INTS1: variants seen among roughly 807,000 people sequenced by gnomAD.
The protein encoded by INTS1 is integrator complex subunit 1.
In INTS1, 137 loss-of-function variants were observed where a neutral mutation model predicts 241.6. The observed-to-expected ratio is 0.57, with a 90% confidence interval of 0.49 to 0.65. The LOEUF (loss-of-function observed/expected upper bound fraction) is 0.65, where lower values mean the gene tolerates loss of function less well. Ranked by LOEUF, INTS1 falls within the 30% of genes least tolerant of loss-of-function variation. The pLI is 0.00. For synonymous variants in INTS1, 1,692 were observed against 1,337.8 expected, an observed-to-expected ratio of 1.26 and a Z score of -5.78; for missense variants, 3,073 against 3,032.2, an observed-to-expected ratio of 1.01 and a Z score of -0.32.
chr7:1,499,840 C>A, intron 5 of INTS1, 44 bp downstream of exon 5: 2 of 1,590,046 alleles, frequency 1.3e-6, no homozygotes. Context: ...TGCCCCACCC[C>A]GTGGCGCTCT....
intron 30 of INTS1, 52 bp from the exon 31 acceptor site, chr7:1,479,736 G>A: frequency 7.0e-7 from 1 of 1,433,146 alleles, no homozygotes; most frequent in Non-Finnish European, 9.1e-7. Context: ...AGGAGGAGGA[G>A]CGCAGCGGAG....
intron 3 of INTS1, among the ~76,000 whole-genome samples, chr7:1,501,620 A>T (rs1562524882): frequency 2.0e-5 from 3 of 152,308 alleles, no homozygotes; most frequent in African/African-American, 7.2e-5. Context: ...AGATAAATAA[A>T]GCACCGAGCC....
At position 1,485,115 on chromosome 7, in the gene INTS1, G is replaced by A. The variant is rs1226474206; in HGVS notation, c.3244C>T (p.His1082Tyr). The A allele has an allele frequency of 2.5e-6, 4 of 1,599,944 alleles. No homozygotes were observed. In the African/African-American group the frequency reaches 4.0e-5, roughly 16 times the overall value. ...TGCCTCACCAGGGCCAGGTCGCTGT[G>A]CTGGGCCTGCTCCTCCACAGGCGTG... ...QHTPVEEQAQHSDLALDVARL... is the reference protein window; with the variant it reads ...QHTPVEEQAQYSDLALDVARL... The change falls in exon 24 of 48, where the codon CAC becomes TAC. Residue 1082 changes from histidine to tyrosine, a missense_variant. Physicochemically the swap from His to Tyr is moderately conservative, Grantham distance 83. Transcript: ENST00000404767.
intron 35 of INTS1, 32 bp downstream of exon 35, chr7:1,477,517 TG>T: frequency 6.8e-7 from 1 of 1,475,304 alleles, no homozygotes; most frequent in Non-Finnish European, 9.0e-7. Context: ...TACCCTGGGG[TG>T]GGTCCCCGTG....
intron 46 of INTS1, 80 bp from the exon 47 acceptor site, chr7:1,471,035 G>C (rs1371305780): frequency 2.0e-6 from 3 of 1,507,988 alleles, no homozygotes; most frequent in African/African-American, 1.4e-5. Context: ...GAGCTGAGCC[G>C]CCTGGAAGCC....
In INTS1 at chr7:1,470,785, G is replaced by A. The variant is rs566245687; in HGVS notation, c.6457+61C>T. ...GGGACTCCCAAGAGCCAGCCCTCGG[G>A]GGACGCACCTCCGGCCTCCCCGAGG... is the stretch of plus-strand genomic sequence containing the variant. On this transcript the variant is annotated intron_variant, in intron 47 of 47. Coordinates refer to ENST00000404767, the MANE Select transcript of INTS1 (RefSeq NM_001080453.3). 2.7e-6 allele frequency: 4 copies of A among 1,480,776 alleles called. No individual in the cohort carries two copies. The African/African-American group carries it at 4.2e-5, about 16-fold the overall frequency. 91.7% of individuals were successfully genotyped at this position (1,480,776 alleles called of 1,614,324 possible).
chr7:1,488,874 A>G (rs1249611139), intron 18 of INTS1, among the ~76,000 whole-genome samples: 2 of 152,178 alleles, frequency 1.3e-5, no homozygotes, highest in Admixed American at 1.3e-4. Context: ...TCCCACCTGC[A>G]CTGAACTGTC....
chr7:1,477,232 T>C (rs1781766334), intron 35 of INTS1, among the ~76,000 whole-genome samples: 1 of 152,192 alleles, frequency 6.6e-6, no homozygotes, highest in South Asian at 2.1e-4. Context: ...CACAGCCCCA[T>C]TCCCTTTGGG....
At chr7:1,477,163 G>T (rs1781763645) in intron 35 of INTS1, among the ~76,000 whole-genome samples, 1 of 152,216 alleles carries the variant, frequency 6.6e-6, no homozygotes, top group African/African-American at 2.4e-5. Flanking sequence ...CCTCTCTGGT[G>T]AGGCCGTCCC....
intron 3 of INTS1, chr7:1,500,994 T>C (rs1783150407): frequency 1.3e-5 from 2 of 152,314 alleles, no homozygotes; most frequent in South Asian, 4.1e-4. Flanking sequence ...TTTTTAAATA[T>C]CCACAAACGG....
At position 1,499,583 on chromosome 7, in the gene INTS1, T is replaced by G; in HGVS notation, c.734A>C (p.His245Pro). 1.9e-6 allele frequency: 3 copies of G among 1,613,376 alleles called. No homozygotes were observed. The highest frequency in any genetic ancestry group is 2.5e-6 in the Non-Finnish European group (3 of 1,179,628). Residue 245 changes from histidine to proline, a missense_variant, in exon 6 of 48, where the codon CAC (histidine) becomes CCC (proline). Coordinates refer to ENST00000404767, the MANE Select transcript of INTS1 (RefSeq NM_001080453.3). ...LGERIWVDSP[H>P]CKTFVDNIQT... is the part of the protein sequence containing the mutation. The stretch of plus-strand genomic sequence containing the variant: ...GATGTTGTCCACAAACGTCTTACAG[T>G]GAGGGCTGTCCACCCAGATCCGCTC...
At chr7:1,494,161 C>G (rs1386325444) in intron 14 of INTS1, among the ~76,000 whole-genome samples, 3 of 152,232 alleles carry the variant, frequency 2.0e-5, no homozygotes, top group Admixed American at 6.5e-5. Context: ...GATACACACA[C>G]AGTCACTGGT....
rs1352092847 is a variant in INTS1 at position 1,487,744 on chromosome 7, T to TG, written c.2516+15dup. On this transcript the variant is annotated intron_variant, in intron 19 of 47. Coordinates refer to ENST00000404767, the MANE Select transcript of INTS1 (RefSeq NM_001080453.3). ...CCCGACGGCAGGCGCAGGGCGGGGCTGTGTGGGCTGCGTACTGGGGGTCCA... is the reference window on the plus strand; with the variant it reads ...CCCGACGGCAGGCGCAGGGCGGGGCTGGTGTGGGCTGCGTACTGGGGGTCCA... 8 of 1,604,842 alleles carry TG rather than the reference T, an allele frequency of 5.0e-6. No homozygotes were observed. Among genetic ancestry groups the TG allele is most frequent in the Non-Finnish European group, 5.9e-6 (7 of 1,179,516 alleles).
intron 3 of INTS1, among the ~76,000 whole-genome samples, chr7:1,502,064 G>T (rs1020644506): frequency 1.3e-5 from 2 of 152,132 alleles, no homozygotes; most frequent in African/African-American, 4.8e-5. Context: ...CCTCCCTGAG[G>T]GCAAGGCCAC....
Position 1,499,115 on chromosome 7 carries a change from G to C in INTS1, c.997C>G (p.Leu333Val). The C allele has an allele frequency of 6.2e-7, 1 of 1,611,594 alleles. No homozygotes were observed. Among genetic ancestry groups the C allele is most frequent in the East Asian group, 2.2e-5 (1 of 44,864 alleles). ...TGGCGCCGGTTCAGCTGGTCCCGCAGCATGTCCAGGACATACTCCTCCACG... is the reference window on the plus strand; with the variant it reads ...TGGCGCCGGTTCAGCTGGTCCCGCACCATGTCCAGGACATACTCCTCCACG... ...ESVEEYVLDMLRDQLNRRQPI... is the reference protein window; with the variant it reads ...ESVEEYVLDMVRDQLNRRQPI... The change falls in exon 8 of 48, where the codon CTG becomes GTG. Residue 333 changes from leucine to valine, a missense_variant. Leu to Val is a conservative substitution (Grantham distance 32). Coordinates refer to ENST00000404767, the MANE Select transcript of INTS1 (RefSeq NM_001080453.3).
At chr7:1,482,306 C>T in intron 27 of INTS1, 3 of 418,540 alleles carry the variant, frequency 7.2e-6, no homozygotes, top group Non-Finnish European at 1.3e-5. Context: ...TCACTCTAGA[C>T]CCCTGAGCCT....
Position 1,493,702 on chromosome 7 carries a change from G to C in INTS1, c.2068+52C>G. 6.6e-7 allele frequency: 1 copy of C among 1,516,752 alleles called. No homozygotes were observed. The highest frequency in any genetic ancestry group is 2.1e-5 in the Admixed American group (1 of 47,906). 94.0% of individuals were successfully genotyped at this position (1,516,752 alleles called of 1,614,324 possible). A position where few individuals can be genotyped will look rare whatever the true frequency, so the allele number is the denominator to read the frequency against. On this transcript the variant is annotated intron_variant, in intron 15 of 47. Coordinates refer to ENST00000404767, the MANE Select transcript of INTS1 (RefSeq NM_001080453.3). This position sits in a 1 kb window ranked among gnomAD's most constrained non-coding sequence, Gnocchi z 5.3. ...GCGTGCCAGAGCCGGGGTTTCTGCA[G>C]GGACGAGGGGAGCAGACCCAGCACA...
Position 1,493,698 on chromosome 7 carries a change from T to C in INTS1, c.2068+56A>G. 1.3e-6 allele frequency: 2 copies of C among 1,512,200 alleles called. No homozygotes were observed. Among genetic ancestry groups the C allele is most frequent in the East Asian group, 2.5e-5 (1 of 40,418 alleles). The allele number at this position is 1,512,200 out of a possible 1,614,324, so 93.7% of individuals were successfully genotyped here. On this transcript the variant is annotated intron_variant, in intron 15 of 47. Coordinates refer to ENST00000404767, the MANE Select transcript of INTS1 (RefSeq NM_001080453.3). This position sits in a 1 kb window ranked among gnomAD's most constrained non-coding sequence, Gnocchi z 5.3. ...AGGTGCGTGCCAGAGCCGGGGTTTCTGCAGGGACGAGGGGAGCAGACCCAG... is the reference window on the plus strand; with the variant it reads ...AGGTGCGTGCCAGAGCCGGGGTTTCCGCAGGGACGAGGGGAGCAGACCCAG...
In INTS1 at chr7:1,485,164, G is replaced by A. The variant is rs201874197; in HGVS notation, c.3195C>T (p.Ala1065=). 1.4e-4 allele frequency: 229 copies of A among 1,600,838 alleles called. No individual in the cohort carries two copies. In the Middle Eastern group the frequency reaches 1.6e-3, roughly 12 times the overall value. ...TGTGCTGGGACAAGTAGATCAGGTA[G>A]GCGCTGATGGTCTGGGGATCAGTCT... ...HMETDPQTIS[A]YLIYLSQHTP... The change falls in exon 24 of 48, where the codon GCC becomes GCT. Residue 1065 remains alanine, a synonymous_variant. Transcript: ENST00000404767.
Sources: allele counts gnomAD v4.1 joint callset (sites outside exome capture counted in the v4.1 genomes callset), GRCh38; gene constraint gnomAD v4.1.1; non-coding constraint Gnocchi (gnomAD v3.1); transcripts MANE v1.5; gene names NCBI Gene and HGNC (gene_info 2026-07-23, HGNC 2026-07-21).